PDE7B: variants seen among roughly 807,000 people sequenced by gnomAD.
The protein encoded by PDE7B is 3',5'-cyclic-AMP phosphodiesterase 7B.
A neutral mutation model predicts 56.2 loss-of-function variants in PDE7B; 29 were observed. The observed-to-expected ratio is 0.52, with a 90% CI of 0.38 to 0.70. The LOEUF (loss-of-function observed/expected upper bound fraction) is 0.70, where lower values mean the gene tolerates loss of function less well. Ranked by LOEUF, PDE7B falls within the 30% of genes least tolerant of loss-of-function variation. The pLI is 0.00. For missense variants in PDE7B, 490 were observed against 565.0 expected, an observed-to-expected ratio of 0.87 and a Z score of 1.35; for synonymous variants, 197 against 196.9, an observed-to-expected ratio of 1.00 and a Z score of 0.00.
intron 2 of PDE7B, among the ~76,000 whole-genome samples, chr6:136,048,055 G>T (rs945000090): frequency 7.3e-5 from 11 of 151,182 alleles, no homozygotes; most frequent in Non-Finnish European, 8.8e-5. Flanking sequence ...AGAATGTTGA[G>T]GTAGATGGAT....
At chr6:136,142,550 G>T (rs1192185899) in intron 3 of PDE7B, among the ~76,000 whole-genome samples, 2 of 152,168 alleles carry the variant, frequency 1.3e-5, no homozygotes, top group African/African-American at 2.4e-5. Flanking sequence ...TGACAGTGGG[G>T]TGTTAAAGTC....
chr6:135,947,441 C>T, intron 1 of PDE7B, 23 bp from the exon 2 acceptor site: 8 of 1,580,800 alleles, frequency 5.1e-6, no homozygotes, highest in Non-Finnish European at 7.0e-6. Context: ...CTTAAAATAA[C>T]CTTGGCTATC....
chr6:136,031,564 C>A (rs898569958), intron 2 of PDE7B, among the ~76,000 whole-genome samples: 1 of 151,488 alleles, frequency 6.6e-6, no homozygotes, highest in African/African-American at 2.4e-5. Context: ...ACGGTGAAAC[C>A]CCGTCTCTAC....
rs966121310 is a variant in PDE7B, at chr6:136,194,919, T to A, written c.*3079T>A. On this transcript the variant is annotated 3_prime_UTR_variant, in exon 13 of 13. Transcript: ENST00000308191. ...AAACAAACAAAAAATCCCACAGCTA[T>A]TGGATCATCCACAGATTTTTTCTTT... 6 of 152,276 alleles carry A rather than the reference T, an allele frequency of 3.9e-5. No homozygotes were observed. Among genetic ancestry groups the A allele is most frequent in the Non-Finnish European group, 7.4e-5 (5 of 68,026 alleles). 9.4% of individuals were successfully genotyped at this position (152,276 alleles called of 1,614,324 possible).
chr6:135,870,138 G>A (rs898161375), intron 1 of PDE7B, among the ~76,000 whole-genome samples: 4 of 152,178 alleles, frequency 2.6e-5, no homozygotes, highest in Admixed American at 6.5e-5. Flanking sequence ...TAGGCAAGAT[G>A]GGAGATGACG....
intron 2 of PDE7B, among the ~76,000 whole-genome samples, chr6:135,991,196 A>G (rs1775473308): frequency 2.6e-5 from 4 of 152,076 alleles, no homozygotes; most frequent in Admixed American, 2.6e-4. Flanking sequence ...TTTGACCTGT[A>G]TCTCGTGCCA....
chr6:136,187,457 G>A (rs891780458), intron 12 of PDE7B, among the ~76,000 whole-genome samples: 4 of 152,116 alleles, frequency 2.6e-5, no homozygotes, highest in African/African-American at 9.7e-5. Context: ...TTGAAGGTGG[G>A]AATCAGCAGA....
intron 3 of PDE7B, among the ~76,000 whole-genome samples, chr6:136,142,423 T>TATA (rs1245553513): frequency 6.6e-6 from 1 of 152,216 alleles, no homozygotes. Context: ...GAGAAGAATG[T>TATA]ATATTCTGTT....
chr6:135,987,840 CAT>C (rs964011906), intron 2 of PDE7B, among the ~76,000 whole-genome samples: 1 of 141,176 alleles, frequency 7.1e-6, no homozygotes, highest in African/African-American at 3.2e-5. Flanking sequence ...CACACACACA[CAT>C]ACACACACAC....
intron 2 of PDE7B, among the ~76,000 whole-genome samples, chr6:135,992,141 G>A (rs76478094): frequency 0.039 from 5,860 of 151,502 alleles, 349 homozygotes; most frequent in African/African-American, 0.13. Context: ...TCCCTGGGCC[G>A]CTCTGAAAGA....
intron 8 of PDE7B, 102 bp downstream of exon 8, chr6:136,155,860 C>A: frequency 8.1e-7 from 1 of 1,241,402 alleles, no homozygotes; most frequent in Non-Finnish European, 1.2e-6. Context: ...GTTTTAGGGT[C>A]CTAGAAGTTC....
chr6:135,866,105 A>C (rs1019063908), intron 1 of PDE7B, among the ~76,000 whole-genome samples: 2 of 152,178 alleles, frequency 1.3e-5, no homozygotes, highest in Non-Finnish European at 2.9e-5. Context: ...CAAAAGTAGA[A>C]CACACATTAG....
chr6:135,881,118 T>C (rs1469903416), intron 1 of PDE7B, among the ~76,000 whole-genome samples: 2 of 152,068 alleles, frequency 1.3e-5, no homozygotes, highest in South Asian at 2.1e-4. Flanking sequence ...TTTTGGAACA[T>C]GCAAGTGCCC....
chr6:135,919,537 C>T (rs1001590288), intron 1 of PDE7B, among the ~76,000 whole-genome samples: 3 of 152,194 alleles, frequency 2.0e-5, no homozygotes, highest in Non-Finnish European at 4.4e-5. Context: ...TAGTACATCC[C>T]TACTGTGACT....
chr6:135,935,186 TTA>T (rs1368098258), intron 1 of PDE7B, among the ~76,000 whole-genome samples: 1,851 of 36,412 alleles, frequency 0.051, 242 homozygotes, highest in African/African-American at 0.13. Flanking sequence ...ATATATATAT[TTA>T]TTTATATATA....
intron 2 of PDE7B, among the ~76,000 whole-genome samples, chr6:136,054,390 C>T (rs868194768): frequency 6.6e-6 from 1 of 151,980 alleles, no homozygotes; most frequent in African/African-American, 2.4e-5. Flanking sequence ...TTGCTGAGGA[C>T]TCTGTTCTGT....
chr6:135,872,868 A>G (rs1323813804), intron 1 of PDE7B, among the ~76,000 whole-genome samples: 2 of 152,162 alleles, frequency 1.3e-5, no homozygotes, highest in Admixed American at 6.5e-5. Flanking sequence ...ACTCATTTAT[A>G]TAGTAGTGAG....
At chr6:135,896,153 T>C (rs1775897817) in intron 1 of PDE7B, among the ~76,000 whole-genome samples, 1 of 152,120 alleles carries the variant, frequency 6.6e-6, no homozygotes, top group Non-Finnish European at 1.5e-5. Flanking sequence ...ACAACAGGTA[T>C]ATGAAAACGC....
intron 1 of PDE7B, among the ~76,000 whole-genome samples, chr6:135,885,748 A>G (rs1179469607): frequency 6.6e-6 from 1 of 152,200 alleles, no homozygotes; most frequent in Non-Finnish European, 1.5e-5. Context: ...AATTGTAATG[A>G]TCATATGTGA....
Sources: gnomAD v4.1 joint callset for allele counts (sites outside exome capture counted in the v4.1 genomes callset) on GRCh38, gnomAD v4.1.1 for gene constraint, MANE v1.5 for transcripts, NCBI Gene and HGNC (gene_info 2026-07-23, HGNC 2026-07-21) for gene names.